Variants in HSDL2 observed in about 807,000 individuals in gnomAD.
HSDL2 encodes hydroxysteroid dehydrogenase-like protein 2.
A neutral mutation model predicts 46.3 loss-of-function variants in HSDL2; 27 were observed. The ratio of observed to expected loss-of-function variants is 0.58; its 90% confidence interval spans 0.43 to 0.80. HSDL2 has a LOEUF of 0.80. Among genes scored for constraint, HSDL2 ranks in the 30% least tolerant of loss-of-function variants. HSDL2 has a pLI of 0.00. For missense variants in HSDL2, 451 were observed against 502.7 expected (o/e 0.90, Z 0.98); for synonymous variants, 153 against 163.6 (o/e 0.94, Z 0.50).
intron 10 of HSDL2, among the ~76,000 whole-genome samples, chr9:112,467,491 G>A (rs554357874): frequency 6.6e-6 from 1 of 152,292 alleles, no homozygotes; most frequent in African/African-American, 2.4e-5. Context: ...CACGTGTTGC[G>A]TGGTGGTACA....
chr9:112,411,480 G>T (rs143506979), intron 4 of HSDL2, among the ~76,000 whole-genome samples: 2 of 152,288 alleles, frequency 1.3e-5, no homozygotes, highest in East Asian at 3.9e-4. Context: ...TTTAAGACTA[G>T]CCAGGCCAAC....
intron 8 of HSDL2, among the ~76,000 whole-genome samples, chr9:112,447,763 C>T (rs998685917): frequency 6.6e-6 from 1 of 152,160 alleles, no homozygotes; most frequent in African/African-American, 2.4e-5. Context: ...GATAAAATTG[C>T]AGGCTCTGGA....
At chr9:112,446,306 C>A (rs1440771317) in intron 8 of HSDL2, among the ~76,000 whole-genome samples, 1 of 152,108 alleles carries the variant, frequency 6.6e-6, no homozygotes, top group East Asian at 1.9e-4. Context: ...TGACATGTGA[C>A]CTTCCTTTAC....
chr9:112,455,354 G>T (rs1470505400), intron 9 of HSDL2, among the ~76,000 whole-genome samples: 1 of 151,378 alleles, frequency 6.6e-6, no homozygotes, highest in African/African-American at 2.4e-5. Flanking sequence ...CTTTATCTTA[G>T]TCCATCTTGC....
At chr9:112,389,307 C>T (rs942830151) in intron 1 of HSDL2, among the ~76,000 whole-genome samples, 3 of 152,058 alleles carry the variant, frequency 2.0e-5, no homozygotes, top group African/African-American at 7.2e-5. Context: ...TAGGCATGAG[C>T]CACTGCACCT....
chr9:112,391,862 G>T (rs1362422349), intron 1 of HSDL2, among the ~76,000 whole-genome samples: 1 of 150,100 alleles, frequency 6.7e-6, no homozygotes. Flanking sequence ...CTGCAGCCTG[G>T]GCGACAAGAG....
At chr9:112,445,666 A>G (rs1832741879) in intron 8 of HSDL2, among the ~76,000 whole-genome samples, 1 of 152,068 alleles carries the variant, frequency 6.6e-6, no homozygotes, top group Non-Finnish European at 1.5e-5. Context: ...CTGGGATTAC[A>G]TGGGTGTGCC....
intron 8 of HSDL2, among the ~76,000 whole-genome samples, chr9:112,444,185 C>T (rs1832699692): frequency 6.6e-6 from 1 of 152,170 alleles, no homozygotes; most frequent in Non-Finnish European, 1.5e-5. Context: ...AGATAGTAGC[C>T]TGGGCTATAA....
chr9:112,405,938 A>G (rs1311070691), intron 3 of HSDL2, among the ~76,000 whole-genome samples: 1 of 152,184 alleles, frequency 6.6e-6, no homozygotes, highest in African/African-American at 2.4e-5. Flanking sequence ...AGGCAGGCAG[A>G]TCACTTGAGG....
chr9:112,411,565 T>C (rs1031975075), intron 4 of HSDL2, among the ~76,000 whole-genome samples: 2 of 152,096 alleles, frequency 1.3e-5, no homozygotes, highest in Admixed American at 6.6e-5. Flanking sequence ...TACTGGACTA[T>C]TCCGGAGGCT....
At chr9:112,444,783 A>AT (rs1832714148) in intron 8 of HSDL2, among the ~76,000 whole-genome samples, 1 of 146,012 alleles carries the variant, frequency 6.8e-6, no homozygotes, top group Non-Finnish European at 1.5e-5. Context: ...TTCTTCATTG[A>AT]TTCCCCCCAC....
At chr9:112,409,126 C>G in intron 4 of HSDL2, 105 bp downstream of exon 4, 1 of 631,418 alleles carries the variant, frequency 1.6e-6, no homozygotes, top group South Asian at 2.1e-5. Flanking sequence ...AGTTCAAAAT[C>G]TAGTCAATCC....
intron 1 of HSDL2, among the ~76,000 whole-genome samples, chr9:112,382,893 G>A (rs1327603170): frequency 6.6e-6 from 1 of 151,280 alleles, no homozygotes; most frequent in Non-Finnish European, 1.5e-5. Context: ...TGTGAAGCCA[G>A]AGTTATCAGT....
At chr9:112,469,215 A>G (rs1184557286) in intron 10 of HSDL2, among the ~76,000 whole-genome samples, 1 of 151,880 alleles carries the variant, frequency 6.6e-6, no homozygotes, top group Admixed American at 6.6e-5. Context: ...GAATAATTTA[A>G]AGGCATTTAA....
chr9:112,436,963 T>TTTTTC (rs1832540578), intron 6 of HSDL2, among the ~76,000 whole-genome samples: 1 of 142,268 alleles, frequency 7.0e-6, no homozygotes, highest in Non-Finnish European at 1.5e-5. Flanking sequence ...TTTTTTTCTT[T>TTTTTC]TTTTTTTTTT....
intron 7 of HSDL2, among the ~76,000 whole-genome samples, chr9:112,441,030 T>TA (rs1296252640): frequency 1.8e-4 from 26 of 147,140 alleles, no homozygotes; most frequent in Non-Finnish European, 2.8e-4. Context: ...AATAAATAAA[T>TA]AATAAATAAA....
chr9:112,398,021 A>G (rs1743290862), intron 1 of HSDL2, among the ~76,000 whole-genome samples: 1 of 152,214 alleles, frequency 6.6e-6, no homozygotes, highest in Admixed American at 6.5e-5. Flanking sequence ...GAACAGGCAC[A>G]TGAGATGGAC....
chr9:112,394,608 T>G (rs1363344062), intron 1 of HSDL2, among the ~76,000 whole-genome samples: 1 of 152,144 alleles, frequency 6.6e-6, no homozygotes, highest in African/African-American at 2.4e-5. Context: ...GGGTTTATAT[T>G]GAAAATATGG....
In HSDL2 at chr9:112,411,590, G is replaced by A. The variant is rs141539156; in HGVS notation, c.395+2569G>A. On this transcript the variant is annotated intron_variant, in intron 4 of 10. Transcript: ENST00000398805. ...TTCCGGAGGCTGAGGCAGGAGAATC[G>A]CTTGAACCCAGGAGGCGGAGGCTGC... 5.1e-3 allele frequency among the ~76,000 whole-genome samples: 770 copies of A among 152,218 alleles called. 2 individuals carry two copies. The highest frequency in any genetic ancestry group is 7.1e-3 in the Non-Finnish European group (483 of 68,008).
Sources: allele counts gnomAD v4.1 joint callset (sites outside exome capture counted in the v4.1 genomes callset), GRCh38; gene constraint gnomAD v4.1.1; transcripts MANE v1.5; gene names NCBI Gene and HGNC (gene_info 2026-07-23, HGNC 2026-07-21).